PRORP: variants seen among roughly 807,000 people sequenced by gnomAD.
The protein encoded by PRORP is mitochondrial ribonuclease P catalytic subunit.
In PRORP, 51 loss-of-function variants were observed where a neutral mutation model predicts 59.4. The observed-to-expected ratio is 0.86, with a 90% CI of 0.69 to 1.08. PRORP has a LOEUF of 1.08. Ranked by LOEUF, PRORP falls within the 50% of genes least tolerant of loss-of-function variation. The pLI is 0.00. For missense variants in PRORP, 646 were observed against 690.3 expected, an observed-to-expected ratio of 0.94 and a Z score of 0.72; for synonymous variants, 231 against 245.6, an observed-to-expected ratio of 0.94 and a Z score of 0.55.
Position 35,124,124 on chromosome 14 carries a change from GGAT to G in PRORP, c.883_885del (p.Asp295del), listed in dbSNP as rs2047026174. On this transcript the variant is annotated inframe_deletion, in exon 2 of 8. Transcript: ENST00000534898. ...TCTTTGATTTTGGAAAAGACATAAA[GGAT>G]GATAACTATTCAAATAAACTACTAG... is the stretch of plus-strand genomic sequence containing the variant. 1 of 1,612,470 alleles carries G rather than the reference GGAT, an allele frequency of 6.2e-7. No individual in the cohort carries two copies. The highest frequency in any genetic ancestry group is 1.1e-5 in the South Asian group (1 of 90,960).
At chr14:35,167,496 A>C (rs896846266) in intron 4 of PRORP, among the ~76,000 whole-genome samples, 1 of 152,210 alleles carries the variant, frequency 6.6e-6, no homozygotes, top group African/African-American at 2.4e-5. Flanking sequence ...TTTAGTTTAC[A>C]GTACTGTTGC....
Position 35,123,474 on chromosome 14 carries a change from C to G in PRORP, c.229C>G (p.Gln77Glu), listed in dbSNP as rs761645630. Reference sequence around the variant, plus strand: ...CAGGAAAGATGAGGGCAGTAATAAGCAAGTTTATTCTGTTCCTCATTTTTT... The same window carrying G: ...CAGGAAAGATGAGGGCAGTAATAAGGAAGTTTATTCTGTTCCTCATTTTTT... The part of the protein sequence containing the change: ...YLRKDEGSNK[Q>E]VYSVPHFFLA... The change falls in exon 2 of 8, where the codon CAA becomes GAA. Residue 77 changes from glutamine to glutamate, a missense_variant. Coordinates refer to ENST00000534898, the MANE Select transcript of PRORP (RefSeq NM_014672.4). The G allele has an allele frequency of 6.2e-7, 1 of 1,614,028 alleles. No homozygotes were observed. The highest frequency in any genetic ancestry group is 1.3e-5 in the African/African-American group (1 of 74,930).
At chr14:35,131,751 ACTC>A (rs1446061093) in intron 4 of PRORP, among the ~76,000 whole-genome samples, 1 of 150,718 alleles carries the variant, frequency 6.6e-6, no homozygotes, top group Non-Finnish European at 1.5e-5. Flanking sequence ...CTGATCTCGA[ACTC>A]CTGACCTCAG....
chr14:35,167,841 G>A (rs1278808141), intron 4 of PRORP, among the ~76,000 whole-genome samples: 1 of 152,144 alleles, frequency 6.6e-6, no homozygotes, highest in African/African-American at 2.4e-5. Context: ...CAAATAAGAA[G>A]AAATAAGTGG....
intron 4 of PRORP, among the ~76,000 whole-genome samples, chr14:35,168,247 T>C (rs2048233013): frequency 6.6e-6 from 1 of 152,210 alleles, no homozygotes; most frequent in Admixed American, 6.5e-5. Flanking sequence ...GTTTGGAAAT[T>C]CCAGTTGCTC....
chr14:35,254,592 A>C (rs28504476), intron 5 of PRORP, among the ~76,000 whole-genome samples: 23,526 of 152,134 alleles, frequency 0.15, 2,711 homozygotes, highest in African/African-American at 0.32. Flanking sequence ...AGGTTTCTCC[A>C]TGTTGATCAG....
chr14:35,149,012 A>G (rs1175601185), intron 4 of PRORP, among the ~76,000 whole-genome samples: 5 of 129,790 alleles, frequency 3.9e-5, no homozygotes, highest in African/African-American at 8.9e-5. Flanking sequence ...TCCGCCTCCC[A>G]GGTTCACGCC....
rs1483318878 is a variant in PRORP at position 35,275,391 on chromosome 14, A to G, written c.*1825A>G. ...TTTTATCTTCTTACCTATTTACTGA[A>G]TGCAACATTACTGCACACCAAGACA... is the stretch of plus-strand genomic sequence containing the variant. On this transcript the variant is annotated 3_prime_UTR_variant, in exon 8 of 8. Coordinates refer to ENST00000534898, the MANE Select transcript of PRORP (RefSeq NM_014672.4). 1.3e-5 allele frequency: 2 copies of G among 152,218 alleles called. No homozygotes were observed. The highest frequency in any genetic ancestry group is 2.9e-5 in the Non-Finnish European group (2 of 68,044). The allele number at this position is 152,218 out of a possible 1,614,324, so 9.4% of individuals were successfully genotyped here.
At chr14:35,220,134 G>A (rs946832093) in intron 5 of PRORP, among the ~76,000 whole-genome samples, 18 of 152,208 alleles carry the variant, frequency 1.2e-4, no homozygotes, top group African/African-American at 3.9e-4. Flanking sequence ...CTGGGTGTTA[G>A]GACATAAACA....
chr14:35,228,712 G>T (rs2050000087), intron 5 of PRORP, among the ~76,000 whole-genome samples: 2 of 152,180 alleles, frequency 1.3e-5, no homozygotes, highest in Non-Finnish European at 2.9e-5. Flanking sequence ...CACCATTGAT[G>T]GGCATCTAGG....
intron 5 of PRORP, among the ~76,000 whole-genome samples, chr14:35,252,280 G>A (rs1594341285): frequency 6.6e-6 from 1 of 151,978 alleles, no homozygotes; most frequent in South Asian, 2.1e-4. Flanking sequence ...AAAATTAGAC[G>A]GGTGTAGGGG....
At chr14:35,132,236 T>C (rs2047260821) in intron 4 of PRORP, among the ~76,000 whole-genome samples, 1 of 139,036 alleles carries the variant, frequency 7.2e-6, no homozygotes, top group South Asian at 2.5e-4. Context: ...GGTGGGTGGA[T>C]CAGCTGGGGT....
intron 5 of PRORP, among the ~76,000 whole-genome samples, chr14:35,265,217 C>T (rs899697652): frequency 5.3e-5 from 8 of 151,956 alleles, no homozygotes; most frequent in Non-Finnish European, 1.2e-4. Flanking sequence ...AAATAAATAC[C>T]TTTTCCAACC....
chr14:35,266,925 C>T (rs773700800), intron 6 of PRORP, 50 bp downstream of exon 6: 1 of 1,597,150 alleles, frequency 6.3e-7, no homozygotes, highest in Non-Finnish European at 8.6e-7. Context: ...AGACATCTAT[C>T]TGCTTGTTAG....
At chr14:35,230,872 G>A (rs909378641) in intron 5 of PRORP, among the ~76,000 whole-genome samples, 2 of 151,952 alleles carry the variant, frequency 1.3e-5, no homozygotes, top group Non-Finnish European at 2.9e-5. Flanking sequence ...GGTGGGAGTA[G>A]TGCCTAAGAT....
At chr14:35,244,721 T>TA (rs2050443984) in intron 5 of PRORP, among the ~76,000 whole-genome samples, 1 of 152,234 alleles carries the variant, frequency 6.6e-6, no homozygotes, top group Admixed American at 6.5e-5. Flanking sequence ...AACACCTTTG[T>TA]ACCCACCAGT....
intron 5 of PRORP, among the ~76,000 whole-genome samples, chr14:35,214,253 T>C (rs1157801199): frequency 2.0e-5 from 3 of 152,214 alleles, no homozygotes; most frequent in African/African-American, 4.8e-5. Context: ...TGTATTATTT[T>C]TGAAGAAGAG....
chr14:35,132,884 A>G (rs568912159), intron 4 of PRORP, among the ~76,000 whole-genome samples: 9 of 151,150 alleles, frequency 6.0e-5, no homozygotes, highest in Non-Finnish European at 8.8e-5. Flanking sequence ...TGATCATTCA[A>G]TGCTTTGAGT....
Position 35,270,568 on chromosome 14 carries a change from G to A in PRORP, c.1592G>A (p.Arg531Lys). 1 of 1,614,126 alleles carries A rather than the reference G, an allele frequency of 6.2e-7. No individual in the cohort carries two copies. The highest frequency in any genetic ancestry group is 1.3e-5 in the African/African-American group (1 of 75,016). Residue 531 changes from arginine to lysine, a missense_variant, in exon 7 of 8, where the codon AGG becomes AAG. Physicochemically the swap from Arg to Lys is conservative, Grantham distance 26. Coordinates refer to ENST00000534898, the MANE Select transcript of PRORP (RefSeq NM_014672.4). The part of the protein sequence containing the change: ...QQGHQLAIVN[R>K]FPGSKLTFQR... Reference sequence around the variant, plus strand: ...GGACATCAGCTGGCAATTGTAAATAGGTTTCCAGGATCAAAACTAACCTTT... The same window carrying A: ...GGACATCAGCTGGCAATTGTAAATAAGTTTCCAGGATCAAAACTAACCTTT...
Sources: allele counts gnomAD v4.1 joint callset (sites outside exome capture counted in the v4.1 genomes callset), GRCh38; gene constraint gnomAD v4.1.1; transcripts MANE v1.5; gene names NCBI Gene and HGNC (gene_info 2026-07-23, HGNC 2026-07-21).